Variants in UBE4B observed in about 807,000 individuals in gnomAD.
The protein encoded by UBE4B is ubiquitin conjugation factor E4 B.
Under a neutral mutation model 148.1 loss-of-function variants are expected in UBE4B, and 27 were observed. The observed-to-expected ratio is 0.18, with a 90% CI of 0.13 to 0.25. The LOEUF (loss-of-function observed/expected upper bound fraction) is 0.25, where lower values mean the gene tolerates loss of function less well. Among genes scored for constraint, UBE4B ranks in the 10% least tolerant of loss-of-function variants. The pLI, the probability that UBE4B is intolerant of heterozygous loss-of-function variation, is 1.00. For missense variants in UBE4B, 1,170 were observed against 1,662.4 expected (o/e 0.70, Z 5.15); for synonymous variants, 596 against 619.3 (o/e 0.96, Z 0.56).
intron 7 of UBE4B, chr1:10,107,203 T>C (rs1239410675): frequency 7.8e-7 from 1 of 1,289,466 alleles, no homozygotes; most frequent in Non-Finnish European, 1.0e-6. Context: ...GATGGCCTTT[T>C]TTGCTTTTGT....
At chr1:10,148,509 G>A (rs1645916014) in intron 19 of UBE4B, among the ~76,000 whole-genome samples, 1 of 151,264 alleles carries the variant, frequency 6.6e-6, no homozygotes, top group South Asian at 2.1e-4. Context: ...GTGGGCGCCT[G>A]TAATCCCAGC....
At chr1:10,123,964 G>A (rs1418260240) in intron 10 of UBE4B, among the ~76,000 whole-genome samples, 1 of 151,352 alleles carries the variant, frequency 6.6e-6, no homozygotes, top group African/African-American at 2.4e-5. Flanking sequence ...TATTAGAGAC[G>A]GGGTTTCACC....
intron 2 of UBE4B, among the ~76,000 whole-genome samples, chr1:10,087,669 G>A (rs1644785686): frequency 6.6e-6 from 1 of 152,118 alleles, no homozygotes; most frequent in Non-Finnish European, 1.5e-5. Flanking sequence ...TCGTATCAGG[G>A]GTATATAATA....
At position 10,033,615 on chromosome 1, in the gene UBE4B, G is replaced by C. The variant is rs1042674927; in HGVS notation, c.-56G>C. ...CTTCCACTCTCCTTCCTCCCGCCGT[G>C]GTCTCGAGAACAGAAGGATCTCTCC... is the stretch of plus-strand genomic sequence containing the variant. On this transcript the variant is annotated 5_prime_UTR_variant, in exon 1 of 28. Coordinates refer to ENST00000343090, the MANE Select transcript of UBE4B (RefSeq NM_001105562.3). 2.0e-5 allele frequency: 30 copies of C among 1,465,828 alleles called. No individual in the cohort carries two copies. The highest frequency in any genetic ancestry group is 2.6e-5 in the Non-Finnish European group (29 of 1,103,310). 90.8% of individuals were successfully genotyped at this position (1,465,828 alleles called of 1,614,324 possible).
chr1:10,134,769 C>T (rs1645650374), intron 15 of UBE4B, among the ~76,000 whole-genome samples: 2 of 151,800 alleles, frequency 1.3e-5, no homozygotes, highest in Admixed American at 1.3e-4. Context: ...CAGTGGCTCA[C>T]ACCTGTAATC....
chr1:10,053,601 A>G (rs1432670677), intron 1 of UBE4B, among the ~76,000 whole-genome samples: 2 of 152,136 alleles, frequency 1.3e-5, no homozygotes, highest in East Asian at 3.9e-4. Flanking sequence ...TGCACCTATC[A>G]ACCCATCACT....
At chr1:10,156,957 C>T (rs142674147) in intron 21 of UBE4B, among the ~76,000 whole-genome samples, 51 of 151,864 alleles carry the variant, frequency 3.4e-4, no homozygotes, top group East Asian at 1.2e-3. Flanking sequence ...TCGCTTGAGG[C>T]AGGAATTTGA....
At chr1:10,043,005 T>C (rs931687826) in intron 1 of UBE4B, among the ~76,000 whole-genome samples, 1 of 136,714 alleles carries the variant, frequency 7.3e-6, no homozygotes, top group African/African-American at 2.9e-5. Context: ...TCATTCATTC[T>C]TTTTTTTTTT....
At chr1:10,103,143 A>G in intron 5 of UBE4B, 51 bp downstream of exon 5, 4 of 1,513,808 alleles carry the variant, frequency 2.6e-6, no homozygotes, top group Non-Finnish European at 1.8e-6. Context: ...CAAGAAAATA[A>G]GATGTGAGAT....
chr1:10,102,391 C>CTTTTTTTTTTTTTTTT (rs33997625), intron 4 of UBE4B, among the ~76,000 whole-genome samples: 3 of 51,566 alleles, frequency 5.8e-5, no homozygotes, highest in African/African-American at 1.8e-4. Flanking sequence ...TGACTTTGCT[C>CTTTTTTTTTTTTTTTT]TTTTTTTTTT....
intron 1 of UBE4B, among the ~76,000 whole-genome samples, chr1:10,064,420 G>A (rs796645952): frequency 6.6e-6 from 1 of 152,180 alleles, no homozygotes; most frequent in Non-Finnish European, 1.5e-5. Context: ...CTATGCATAC[G>A]TGCAGTAAGT....
intron 5 of UBE4B, among the ~76,000 whole-genome samples, chr1:10,104,569 A>G (rs192708533): frequency 6.6e-6 from 1 of 152,320 alleles, no homozygotes; most frequent in East Asian, 1.9e-4. Context: ...GGAGGGAAAA[A>G]AAAAGTCCTT....
intron 2 of UBE4B, among the ~76,000 whole-genome samples, chr1:10,076,787 C>G (rs969151686): frequency 6.9e-6 from 1 of 145,100 alleles, no homozygotes; most frequent in African/African-American, 2.6e-5. Flanking sequence ...GCTCTTGTCA[C>G]CCAGGCTGGA....
chr1:10,078,437 G>A (rs2101843082), intron 2 of UBE4B, among the ~76,000 whole-genome samples: 1 of 152,266 alleles, frequency 6.6e-6, no homozygotes, highest in Non-Finnish European at 1.5e-5. Context: ...AGTTGGGGAG[G>A]AAATGTTCTT....
intron 1 of UBE4B, among the ~76,000 whole-genome samples, chr1:10,036,278 G>A (rs1203991006): frequency 1.3e-5 from 2 of 151,652 alleles, no homozygotes; most frequent in African/African-American, 2.4e-5. Flanking sequence ...GACCATATGA[G>A]GAACACATGT....
Position 10,135,105 on chromosome 1 carries a change from A to G in UBE4B, c.2143A>G (p.Arg715Gly). 6.2e-7 allele frequency: 1 copy of G among 1,614,134 alleles called. No individual in the cohort carries two copies. Among genetic ancestry groups the G allele is most frequent in the Non-Finnish European group, 8.5e-7 (1 of 1,180,034 alleles). Residue 715 changes from arginine (R) to glycine (G), a missense_variant, in exon 16 of 28, where the codon AGA (arginine) becomes GGA (glycine). By Grantham distance (125) the Arg-to-Gly change is moderately radical. Coordinates refer to ENST00000343090, the MANE Select transcript of UBE4B (RefSeq NM_001105562.3). ...TVDPTYIFHP[R>G]CRITLPNDET... ...TGATCCCACGTATATTTTTCACCCA[A>G]GATGTCGGATTACTCTTCCCAATGA...
chr1:10,135,254 A>C (rs1645660803), intron 16 of UBE4B, 68 bp downstream of exon 16: 1 of 1,420,928 alleles, frequency 7.0e-7, no homozygotes, highest in Non-Finnish European at 9.7e-7. Flanking sequence ...GTAGTTCCTC[A>C]CAGATTGTTA....
At position 10,066,863 on chromosome 1, in the gene UBE4B, G is replaced by A. The variant is rs549461269; in HGVS notation, c.25-5165G>A. ...AGAGGTTGCAGTGAGCCAAGATCAC[G>A]CTACCGCACTCCAACCTGGGTGACA... On this transcript the variant is annotated intron_variant, in intron 1 of 27. Transcript: ENST00000343090. 7.2e-5 allele frequency among the ~76,000 whole-genome samples: 11 copies of A among 152,128 alleles called. No individual in the cohort carries two copies. The East Asian group carries it at 1.5e-3, about 21-fold the overall frequency.
chr1:10,054,232 C>A (rs1644117025), intron 1 of UBE4B, among the ~76,000 whole-genome samples: 1 of 152,016 alleles, frequency 6.6e-6, no homozygotes, highest in Admixed American at 6.6e-5. Context: ...TGTTTTCTAA[C>A]CAATTGAGTA....
Sources: allele counts gnomAD v4.1 joint callset (sites outside exome capture counted in the v4.1 genomes callset), GRCh38; gene constraint gnomAD v4.1.1; transcripts MANE v1.5; gene names NCBI Gene and HGNC (gene_info 2026-07-23, HGNC 2026-07-21).